RAPGEF5: variants seen among roughly 807,000 people sequenced by gnomAD.
The protein encoded by RAPGEF5 is Rap guanine nucleotide exchange factor 5.
A neutral mutation model predicts 125.2 loss-of-function variants in RAPGEF5; 65 were observed. The ratio of observed to expected loss-of-function variants is 0.52; its 90% CI spans 0.43 to 0.64. RAPGEF5 has a LOEUF of 0.64. RAPGEF5 is among the 30% of genes least tolerant of loss of function. RAPGEF5 has a pLI of 0.00. For missense variants in RAPGEF5, 958 were observed against 1,048.1 expected, an observed-to-expected ratio of 0.91 and a Z score of 1.19; for synonymous variants, 391 against 385.9, an observed-to-expected ratio of 1.01 and a Z score of -0.16.
chr7:22,323,568 T>C (rs1361042590), intron 1 of RAPGEF5, among the ~76,000 whole-genome samples: 1 of 152,216 alleles, frequency 6.6e-6, no homozygotes, highest in African/African-American at 2.4e-5. Flanking sequence ...ATTTGAGAAT[T>C]AAGTAACTAA....
chr7:22,228,235 T>A (rs1785966941), intron 8 of RAPGEF5, among the ~76,000 whole-genome samples: 1 of 152,190 alleles, frequency 6.6e-6, no homozygotes, highest in Non-Finnish European at 1.5e-5. Flanking sequence ...TTGCATGCTG[T>A]TTAAAGCAAG....
chr7:22,258,302 C>T (rs1052670127), intron 7 of RAPGEF5, among the ~76,000 whole-genome samples: 1 of 152,164 alleles, frequency 6.6e-6, no homozygotes, highest in Non-Finnish European at 1.5e-5. Flanking sequence ...GTACAGCAAT[C>T]AAGACAGTGT....
intron 11 of RAPGEF5, among the ~76,000 whole-genome samples, chr7:22,180,286 T>C (rs1016515400): frequency 5.9e-5 from 9 of 152,336 alleles, no homozygotes; most frequent in Admixed American, 3.9e-4. Flanking sequence ...TCCCTGGGCA[T>C]GTTGCTCCCC....
At chr7:22,201,382 C>A (rs183126768) in intron 9 of RAPGEF5, among the ~76,000 whole-genome samples, 2 of 152,352 alleles carry the variant, frequency 1.3e-5, no homozygotes, top group East Asian at 3.9e-4. Context: ...TGTCCCAGCA[C>A]AGGGCAGATG....
At chr7:22,191,678 T>C (rs1785002214) in intron 11 of RAPGEF5, 1 of 470,898 alleles carries the variant, frequency 2.1e-6, no homozygotes, top group Non-Finnish European at 4.4e-6. Flanking sequence ...CTAGACAGGA[T>C]GCAAACCACT....
intron 5 of RAPGEF5, among the ~76,000 whole-genome samples, chr7:22,301,517 C>T (rs561598955): frequency 5.4e-5 from 8 of 148,820 alleles, no homozygotes; most frequent in Admixed American, 2.7e-4. Flanking sequence ...TGAGAGGCTG[C>T]GGCAGGAGAA....
chr7:22,308,129 T>C (rs1472906272), intron 5 of RAPGEF5, among the ~76,000 whole-genome samples: 1 of 152,228 alleles, frequency 6.6e-6, no homozygotes, highest in African/African-American at 2.4e-5. Flanking sequence ...TGGTTAGGCA[T>C]AGGCTTCTGG....
chr7:22,310,809 A>C (rs1447439116), intron 3 of RAPGEF5, among the ~76,000 whole-genome samples: 1 of 152,216 alleles, frequency 6.6e-6, no homozygotes, highest in African/African-American at 2.4e-5. Context: ...GTTGGATTCC[A>C]CTAACCACGC....
At chr7:22,289,426 T>C (rs1782878532) in intron 6 of RAPGEF5, among the ~76,000 whole-genome samples, 2 of 152,252 alleles carry the variant, frequency 1.3e-5, no homozygotes, top group South Asian at 4.1e-4. Context: ...TTCGTATCTA[T>C]AAAATAGACA....
At chr7:22,206,181 T>C (rs962586095) in intron 9 of RAPGEF5, among the ~76,000 whole-genome samples, 1 of 152,186 alleles carries the variant, frequency 6.6e-6, no homozygotes, top group East Asian at 1.9e-4. Context: ...TCTTAATTTA[T>C]TAGATGAGAA....
chr7:22,306,934 A>G (rs1783355849), intron 5 of RAPGEF5, among the ~76,000 whole-genome samples: 1 of 152,086 alleles, frequency 6.6e-6, no homozygotes, highest in South Asian at 2.1e-4. Context: ...TGCAATTACC[A>G]TGCTGTTTGG....
intron 25 of RAPGEF5, among the ~76,000 whole-genome samples, chr7:22,123,663 T>A (rs1419624944): frequency 6.6e-6 from 1 of 152,242 alleles, no homozygotes; most frequent in Admixed American, 6.5e-5. Context: ...AAACAAGGCT[T>A]CCTGGTTTTA....
At chr7:22,283,785 T>C (rs1262913819) in intron 6 of RAPGEF5, among the ~76,000 whole-genome samples, 1 of 152,144 alleles carries the variant, frequency 6.6e-6, no homozygotes, top group South Asian at 2.1e-4. Flanking sequence ...CATACATGTA[T>C]GCAAACATGC....
chr7:22,185,689 G>A (rs185625263), intron 11 of RAPGEF5, among the ~76,000 whole-genome samples: 2 of 152,230 alleles, frequency 1.3e-5, no homozygotes, highest in Admixed American at 1.3e-4. Flanking sequence ...TACTGTCACT[G>A]TGGACAGCTG....
intron 1 of RAPGEF5, among the ~76,000 whole-genome samples, chr7:22,340,552 G>T (rs10499550): frequency 0.12 from 18,248 of 152,226 alleles, 1,390 homozygotes; most frequent in Non-Finnish European, 0.15. Context: ...GTGAAAACAA[G>T]ATGGATTTGC....
chr7:22,128,608 C>T (rs3807538), intron 24 of RAPGEF5, among the ~76,000 whole-genome samples: 36,346 of 152,124 alleles, frequency 0.24, 4,760 homozygotes, highest in Middle Eastern at 0.37. Flanking sequence ...TCTCATTCTC[C>T]AGCATCCAAG....
intron 20 of RAPGEF5, among the ~76,000 whole-genome samples, chr7:22,141,438 G>A (rs149643295): frequency 8.2e-4 from 125 of 152,344 alleles, no homozygotes; most frequent in African/African-American, 2.9e-3. Context: ...AGGAGAATAA[G>A]CTGAGCTGTG....
intron 1 of RAPGEF5, among the ~76,000 whole-genome samples, chr7:22,346,594 A>G (rs763508848): frequency 6.6e-6 from 1 of 152,166 alleles, no homozygotes; most frequent in Non-Finnish European, 1.5e-5. Context: ...AGGCAATCAC[A>G]AGTATTTGCA....
At chr7:22,234,235 C>T (rs7803094) in intron 7 of RAPGEF5, among the ~76,000 whole-genome samples, 20,966 of 152,054 alleles carry the variant, frequency 0.14, 1,907 homozygotes, top group African/African-American at 0.25. Flanking sequence ...TAAATAAAAA[C>T]ACAATTTCTC....
Sources: allele counts gnomAD v4.1 joint callset (sites outside exome capture counted in the v4.1 genomes callset), GRCh38; gene constraint gnomAD v4.1.1; transcripts MANE v1.5; gene names NCBI Gene and HGNC (gene_info 2026-07-23, HGNC 2026-07-21).